KCNIP4: variants seen among roughly 807,000 people sequenced by gnomAD.
KCNIP4 encodes the protein Kv channel-interacting protein 4.
KCNIP4 carries 12 observed loss-of-function variants against 34.0 expected under a neutral mutation model. The observed-to-expected ratio is 0.35, with a 90% confidence interval of 0.23 to 0.57. The LOEUF is 0.57. KCNIP4 is among the 20% of genes least tolerant of loss of function. KCNIP4 has a pLI of 0.83. For synonymous variants in KCNIP4, 124 were observed against 102.2 expected (o/e 1.21, Z -1.29); for missense variants, 238 against 311.7 (o/e 0.76, Z 1.78).
At chr4:21,644,675 T>C (rs1746886160) in intron 1 of KCNIP4, among the ~76,000 whole-genome samples, 1 of 152,168 alleles carries the variant, frequency 6.6e-6, no homozygotes, top group South Asian at 2.1e-4. Context: ...GTGGATCCCA[T>C]AAATTCTCCA....
intron 2 of KCNIP4, among the ~76,000 whole-genome samples, chr4:20,864,709 G>T (rs1025039242): frequency 9.2e-5 from 14 of 152,110 alleles, no homozygotes; most frequent in African/African-American, 3.4e-4. Context: ...AACTCTGTGA[G>T]AATTGAAAGG....
chr4:21,110,452 C>G (rs1207401839), intron 1 of KCNIP4, among the ~76,000 whole-genome samples: 3 of 152,206 alleles, frequency 2.0e-5, no homozygotes, highest in African/African-American at 7.2e-5. Flanking sequence ...AACACATAAT[C>G]TATGGGAGTC....
chr4:20,801,458 A>C (rs1472125392), intron 3 of KCNIP4, among the ~76,000 whole-genome samples: 1 of 152,138 alleles, frequency 6.6e-6, no homozygotes, highest in Non-Finnish European at 1.5e-5. Flanking sequence ...TAAAAGTCAA[A>C]ATGGTCAAAA....
At chr4:21,860,548 AC>A (rs1222651562) in intron 1 of KCNIP4, among the ~76,000 whole-genome samples, 1 of 152,158 alleles carries the variant, frequency 6.6e-6, no homozygotes, top group Non-Finnish European at 1.5e-5. Flanking sequence ...ATTTTATCTC[AC>A]CTAAATATGC....
intron 5 of KCNIP4, among the ~76,000 whole-genome samples, chr4:20,742,179 C>T (rs571047851): frequency 8.5e-5 from 13 of 152,240 alleles, no homozygotes; most frequent in African/African-American, 2.4e-4. Context: ...GAAAATATTC[C>T]AATCAACAGA....
intron 3 of KCNIP4, among the ~76,000 whole-genome samples, chr4:20,790,091 A>G (rs896302665): frequency 6.6e-6 from 1 of 152,170 alleles, no homozygotes; most frequent in Non-Finnish European, 1.5e-5. Flanking sequence ...GCTATATGGT[A>G]TAAACTTTTG....
intron 1 of KCNIP4, among the ~76,000 whole-genome samples, chr4:21,193,631 G>A (rs1755843745): frequency 6.9e-6 from 1 of 144,028 alleles, no homozygotes; most frequent in Non-Finnish European, 1.5e-5. Flanking sequence ...GAGTGCAGTG[G>A]CGCAATCTGG....
At chr4:21,198,681 G>A (rs747294928) in intron 1 of KCNIP4, among the ~76,000 whole-genome samples, 2 of 152,192 alleles carry the variant, frequency 1.3e-5, no homozygotes. Flanking sequence ...ACCTTGTGTG[G>A]AATAACTTTC....
chr4:21,831,767 A>G (rs1037822285), intron 1 of KCNIP4, among the ~76,000 whole-genome samples: 4 of 152,030 alleles, frequency 2.6e-5, no homozygotes, highest in Non-Finnish European at 5.9e-5. Flanking sequence ...CTCTTCCAAA[A>G]CACTGAATTG....
Position 21,572,633 on chromosome 4 carries a change from C to CTT in KCNIP4, c.61+375936_61+375937dup, listed in dbSNP as rs71655642. The stretch of plus-strand genomic sequence containing the variant: ...GCATGGATCCACAAAGATCTCTCAT[C>CTT]TTTTTTTTTTTTTTTTGAGACTTGC... On this transcript the variant is annotated intron_variant, in intron 1 of 8. Transcript: ENST00000382152. Among the ~76,000 whole-genome samples the CTT allele has an allele frequency of 2.1e-3, 298 of 140,696 alleles. 10 individuals carry two copies. The South Asian group carries it at 0.047, about 22-fold the overall frequency. 92.3% of individuals were successfully genotyped at this position (140,696 alleles called of 152,430 possible). A position where few individuals can be genotyped will look rare whatever the true frequency, so the allele number is the denominator to read the frequency against.
intron 1 of KCNIP4, among the ~76,000 whole-genome samples, chr4:21,218,315 T>G (rs1757757237): frequency 6.6e-6 from 1 of 152,226 alleles, no homozygotes; most frequent in Non-Finnish European, 1.5e-5. Context: ...GCACCCAGCC[T>G]GTATAGTTTT....
At chr4:21,001,116 A>C (rs1337236359) in intron 1 of KCNIP4, among the ~76,000 whole-genome samples, 1 of 152,224 alleles carries the variant, frequency 6.6e-6, no homozygotes, top group Non-Finnish European at 1.5e-5. Flanking sequence ...GGAGGTTGAT[A>C]ATGAGTTAAT....
intron 1 of KCNIP4, among the ~76,000 whole-genome samples, chr4:21,705,044 T>C (rs1257197190): frequency 2.6e-5 from 4 of 152,072 alleles, no homozygotes; most frequent in African/African-American, 9.7e-5. Flanking sequence ...TAAAAAGGAA[T>C]GAACTAGTGA....
intron 1 of KCNIP4, among the ~76,000 whole-genome samples, chr4:21,451,754 G>C (rs173366): frequency 0.79 from 120,661 of 152,008 alleles, 48,133 homozygotes; most frequent in African/African-American, 0.86. Flanking sequence ...TTAAGGTGGT[G>C]TCTGTAATTT....
chr4:21,668,754 G>C (rs1749229629), intron 1 of KCNIP4, among the ~76,000 whole-genome samples: 1 of 151,476 alleles, frequency 6.6e-6, no homozygotes, highest in Non-Finnish European at 1.5e-5. Flanking sequence ...CTATGTTTTG[G>C]ACACAATATT....
At chr4:20,906,409 A>G (rs946022364) in intron 1 of KCNIP4, among the ~76,000 whole-genome samples, 3 of 152,154 alleles carry the variant, frequency 2.0e-5, no homozygotes, top group Non-Finnish European at 2.9e-5. Flanking sequence ...CTTCCATGAG[A>G]GCAGTCTGTC....
intron 2 of KCNIP4, among the ~76,000 whole-genome samples, chr4:20,874,124 C>G (rs1012821448): frequency 6.6e-6 from 1 of 152,152 alleles, no homozygotes; most frequent in Non-Finnish European, 1.5e-5. Context: ...TTTACATGCT[C>G]ATTAATCCTT....
chr4:21,906,405 C>T (rs532950415), intron 1 of KCNIP4, among the ~76,000 whole-genome samples: 11 of 152,180 alleles, frequency 7.2e-5, no homozygotes, highest in Non-Finnish European at 1.3e-4. Context: ...CAGAGATTGG[C>T]GTGATGTAGC....
intron 1 of KCNIP4, among the ~76,000 whole-genome samples, chr4:21,810,646 C>T (rs1284385194): frequency 2.1e-5 from 3 of 145,764 alleles, no homozygotes; most frequent in Admixed American, 7.2e-5. Flanking sequence ...GCCGAGATCG[C>T]GCCACTGCAC....
Sources: allele counts gnomAD v4.1 joint callset (sites outside exome capture counted in the v4.1 genomes callset), GRCh38; gene constraint gnomAD v4.1.1; transcripts MANE v1.5; gene names NCBI Gene and HGNC (gene_info 2026-07-23, HGNC 2026-07-21).